The following GZF1 variants were observed in gnomAD, a reference collection of about 807,000 sequenced individuals.
GZF1 encodes GDNF-inducible zinc finger protein 1.
In GZF1, 28 loss-of-function variants were observed where a neutral mutation model predicts 49.4. The ratio of observed to expected loss-of-function variants is 0.57; its 90% confidence interval spans 0.42 to 0.78. The LOEUF (loss-of-function observed/expected upper bound fraction) is 0.78. Ranked by LOEUF, GZF1 falls within the 30% of genes least tolerant of loss-of-function variation. The pLI is 0.00. For missense variants in GZF1, 798 were observed against 916.2 expected (o/e 0.87, Z 1.67); for synonymous variants, 364 against 356.0 (o/e 1.02, Z -0.25).
upstream of GZF1, among the ~76,000 whole-genome samples, chr20:23,361,619 G>T (rs1980668062): frequency 6.6e-6 from 1 of 151,866 alleles, no homozygotes; most frequent in Non-Finnish European, 1.5e-5. Flanking sequence ...CCTGGCGCCA[G>T]TTCTCCAGCG....
intron 1 of GZF1, chr20:23,362,933 AGGCTGG>A (rs1391134280): frequency 6.6e-6 from 1 of 152,258 alleles, no homozygotes; most frequent in African/African-American, 2.4e-5. Context: ...TTGTTTCCCC[AGGCTGG>A]GGCTGGGACC....
At chr20:23,362,902 C>G (rs1053789225) in intron 1 of GZF1, 2 of 152,320 alleles carry the variant, frequency 1.3e-5, no homozygotes, top group African/African-American at 4.8e-5. Flanking sequence ...GGGCATCAGG[C>G]TGAGAGAGCC....
Position 23,367,024 on chromosome 20 carries a change from T to A in GZF1, c.1386T>A (p.Pro462=). The A allele has an allele frequency of 1.9e-6, 3 of 1,612,684 alleles. No homozygotes were observed. Among genetic ancestry groups the A allele is most frequent in the Non-Finnish European group, 2.5e-6 (3 of 1,179,088 alleles). Reference sequence around the variant, plus strand: ...TCAGAATTCATACAGGGGAAAAACCTTTTGTCTGTGATGAATGTGGTGCAA... The same window carrying A: ...TCAGAATTCATACAGGGGAAAAACCATTTGTCTGTGATGAATGTGGTGCAA... ...THMRIHTGEK[P]FVCDECGARF... The change falls in exon 3 of 6, where the codon CCT becomes CCA. Residue 462 remains proline (P), a synonymous_variant. Transcript: ENST00000338121.
At chr20:23,363,483 C>A (rs1465968989) in intron 1 of GZF1, among the ~76,000 whole-genome samples, 4 of 152,292 alleles carry the variant, frequency 2.6e-5, no homozygotes, top group South Asian at 4.1e-4. Context: ...TAGCCCTTTG[C>A]CTTTGGCAAG....
At position 23,367,009 on chromosome 20, in the gene GZF1, T is replaced by C. The variant is rs778646176; in HGVS notation, c.1371T>C (p.His457=). 1.9e-6 allele frequency: 3 copies of C among 1,608,264 alleles called. No individual in the cohort carries two copies. The highest frequency in any genetic ancestry group is 2.2e-5 in the East Asian group (1 of 44,854). Residue 457 remains histidine, a synonymous_variant, in exon 3 of 6, where the codon CAT becomes CAC. Coordinates refer to ENST00000338121, the MANE Select transcript of GZF1 (RefSeq NM_022482.5). ...CTGAATGTTGTACTTTCAGAATTCA[T>C]ACAGGGGAAAAACCTTTTGTCTGTG... ...PSALKTHMRI[H]TGEKPFVCDE... is the part of the protein sequence containing the mutation.
rs371010838 is a variant in GZF1, at chr20:23,371,934, A to G, written c.*1493A>G. 19 of 152,720 alleles carry G rather than the reference A, an allele frequency of 1.2e-4. No homozygotes were observed. The East Asian group carries it at 3.5e-3, about 28-fold the overall frequency. 9.5% of individuals were successfully genotyped at this position (152,720 alleles called of 1,614,324 possible). Reference sequence around the variant, plus strand: ...TTTAACTTATGTTAGTGAAACCACTACAAGGTGTTTCAGGCGCTGATAACA... The same window carrying G: ...TTTAACTTATGTTAGTGAAACCACTGCAAGGTGTTTCAGGCGCTGATAACA... On this transcript the variant is annotated 3_prime_UTR_variant, in exon 6 of 6. Transcript: ENST00000338121.
At chr20:23,368,480 A>C (rs951528695) in intron 3 of GZF1, among the ~76,000 whole-genome samples, 2 of 152,212 alleles carry the variant, frequency 1.3e-5, no homozygotes, top group African/African-American at 4.8e-5. Flanking sequence ...GTTTGGAATG[A>C]GTAAATTTCT....
At position 23,364,916 on chromosome 20, in the gene GZF1, C is replaced by T. The variant is rs767598898; in HGVS notation, c.533C>T (p.Thr178Met). 3 of 1,614,090 alleles carry T rather than the reference C, an allele frequency of 1.9e-6. No individual in the cohort carries two copies. Among genetic ancestry groups the T allele is most frequent in the East Asian group, 2.2e-5 (1 of 44,890 alleles). ...GATGGCCCTCACCCCAGTGGTCTCA[C>T]GGATTCCTTGGACTACCCAGGAGAG... is the stretch of plus-strand genomic sequence containing the variant. ...ATDGPHPSGL[T>M]DSLDYPGERA... The change falls in exon 2 of 6, where the codon ACG (threonine) becomes ATG (methionine). Residue 178 changes from threonine to methionine, a missense_variant. By Grantham distance (81) the Thr-to-Met change is moderately conservative. Coordinates refer to ENST00000338121, the MANE Select transcript of GZF1 (RefSeq NM_022482.5).
chr20:23,366,005 G>T (rs577497071), intron 2 of GZF1, among the ~76,000 whole-genome samples: 1 of 152,202 alleles, frequency 6.6e-6, no homozygotes, highest in Non-Finnish European at 1.5e-5. Context: ...CCGCGGGCTC[G>T]CCCCACCGTG....
rs1335755476 is a variant in GZF1, at chr20:23,365,593, G to A, written c.1210G>A (p.Gly404Ser). 7 of 1,609,196 alleles carry A rather than the reference G, an allele frequency of 4.3e-6. No individual in the cohort carries two copies. The highest frequency in any genetic ancestry group is 1.1e-5 in the South Asian group (1 of 91,008). Residue 404 changes from glycine (G) to serine (S), a missense_variant, in exon 2 of 6, where the codon GGC becomes AGC. By Grantham distance (56) the Gly-to-Ser change is moderately conservative. Coordinates refer to ENST00000338121, the MANE Select transcript of GZF1 (RefSeq NM_022482.5). Reference sequence around the variant, plus strand: ...CGTGCTGCAGGTGCATGAGGGCGGCGGCGAGCGGCACCGCTGCGGCCAGTG... The same window carrying A: ...CGTGCTGCAGGTGCATGAGGGCGGCAGCGAGCGGCACCGCTGCGGCCAGTG... ...RHVLQVHEGG[G>S]ERHRCGQCGK... is the part of the protein sequence containing the mutation.
chr20:23,364,867 G>T lies in GZF1; in HGVS notation c.484G>T (p.Ala162Ser). ...TGGCTCCCAAGTTAGTGCTGCTCCT[G>T]CCCCCAGGGCAAGTGTGGCCACCGA... Reference protein sequence around the residue: ...SSGSQVSAAPAPRASVATDGP... With the variant: ...SSGSQVSAAPSPRASVATDGP... Residue 162 changes from alanine to serine, a missense_variant, in exon 2 of 6, where the codon GCC becomes TCC. By Grantham distance (99) the Ala-to-Ser change is moderately conservative. Coordinates refer to ENST00000338121, the MANE Select transcript of GZF1 (RefSeq NM_022482.5). The T allele has an allele frequency of 6.2e-7, 1 of 1,614,226 alleles. No homozygotes were observed. The highest frequency in any genetic ancestry group is 2.2e-5 in the East Asian group (1 of 44,888).
chr20:23,365,310 AGG>A lies in GZF1; in HGVS notation c.930_931del (p.Lys312GlufsTer6), dbSNP rs1208247352. ...AGGAGGAGGAGGAGGAGGACGAAGA[AGG>A]GGAGAAGAAGAAGAGCAACTTTAAG... is the stretch of plus-strand genomic sequence containing the variant. ...EEEEEEEDEE[G>X]EKKKSNFKCS... On this transcript the variant is annotated frameshift_variant, in exon 2 of 6. Transcript: ENST00000338121. LOFTEE classifies it high-confidence loss of function. 6.8e-6 allele frequency: 11 copies of A among 1,607,854 alleles called. No homozygotes were observed. The South Asian group carries it at 8.8e-5, about 13-fold the overall frequency.
intron 3 of GZF1, among the ~76,000 whole-genome samples, chr20:23,368,105 T>A (rs528953827): frequency 7.2e-5 from 11 of 152,244 alleles, no homozygotes; most frequent in Non-Finnish European, 1.5e-4. Context: ...ATGAGTAGAA[T>A]TGTTTAAAGA....
intron 5 of GZF1, 78 bp downstream of exon 5, chr20:23,369,819 C>A: frequency 6.9e-7 from 1 of 1,453,620 alleles, no homozygotes; most frequent in Non-Finnish European, 9.4e-7. Context: ...TACCACCATT[C>A]TCCAAGGTGG....
rs963444524 is a variant in GZF1 at position 23,372,867 on chromosome 20, G to A, written c.*2426G>A. ...AGCCCAAACTCCAAAGGGATGTGCA[G>A]CCTTTCGTTTTACCAAATTCTTTGC... On this transcript the variant is annotated 3_prime_UTR_variant, in exon 6 of 6. Transcript: ENST00000338121. 1 of 152,208 alleles carries A rather than the reference G, an allele frequency of 6.6e-6. No homozygotes were observed. Among genetic ancestry groups the A allele is most frequent in the African/African-American group, 2.4e-5 (1 of 41,442 alleles). The allele number at this position is 152,208 out of a possible 1,614,324, so 9.4% of individuals were successfully genotyped here.
chr20:23,363,149 T>C (rs1329131005), intron 1 of GZF1: 1 of 152,238 alleles, frequency 6.6e-6, no homozygotes, highest in Admixed American at 6.5e-5. Flanking sequence ...AGCGGTCTCA[T>C]TGATGAGACT....
chr20:23,369,198 G>C (rs1317633066), intron 4 of GZF1, among the ~76,000 whole-genome samples: 1 of 152,220 alleles, frequency 6.6e-6, no homozygotes, highest in Admixed American at 6.5e-5. Flanking sequence ...GTCATGGTGT[G>C]AATGTAGGAA....
At chr20:23,364,159 T>C (rs1425763593) in intron 1 of GZF1, among the ~76,000 whole-genome samples, 1 of 152,248 alleles carries the variant, frequency 6.6e-6, no homozygotes, top group Non-Finnish European at 1.5e-5. Context: ...CTATTTTTCA[T>C]GCCAATTTAT....
intron 5 of GZF1, 144 bp from the exon 6 acceptor site, chr20:23,369,947 A>T: frequency 1.1e-6 from 1 of 875,100 alleles, no homozygotes. Flanking sequence ...ATCCACGATG[A>T]CTACTCTGTA....
Sources: gnomAD v4.1 joint callset for allele counts (sites outside exome capture counted in the v4.1 genomes callset) on GRCh38, gnomAD v4.1.1 for gene constraint, MANE v1.5 for transcripts, NCBI Gene and HGNC (gene_info 2026-07-23, HGNC 2026-07-21) for gene names.